NKAIN2: variants seen among roughly 807,000 people sequenced by gnomAD.
NKAIN2 encodes sodium/potassium-transporting ATPase subunit beta-1-interacting protein 2.
A neutral mutation model predicts 32.6 loss-of-function variants in NKAIN2; 14 were observed. The ratio of observed to expected loss-of-function variants is 0.43; its 90% CI spans 0.28 to 0.67. The LOEUF (loss-of-function observed/expected upper bound fraction) is 0.67. Ranked by LOEUF, NKAIN2 falls within the 30% of genes least tolerant of loss-of-function variation. NKAIN2 has a pLI of 0.17. For missense variants in NKAIN2, 198 were observed against 258.3 expected, an observed-to-expected ratio of 0.77 and a Z score of 1.60; for synonymous variants, 80 against 87.2, an observed-to-expected ratio of 0.92 and a Z score of 0.46.
intron 1 of NKAIN2, chr6:123,828,699 C>G (rs1226522041): frequency 1.3e-5 from 2 of 152,220 alleles, no homozygotes; most frequent in African/African-American, 4.8e-5. Context: ...TCTTCCACTT[C>G]CTAAAATATC....
intron 3 of NKAIN2, among the ~76,000 whole-genome samples, chr6:124,638,887 C>CAAAAAAAAAA (rs35802663): frequency 1.2e-5 from 1 of 82,618 alleles, no homozygotes; most frequent in African/African-American, 5.2e-5. Flanking sequence ...GAGACTCTGT[C>CAAAAAAAAAA]AAAAAAAAAA....
intron 2 of NKAIN2, among the ~76,000 whole-genome samples, chr6:124,338,695 G>T (rs917529106): frequency 6.6e-6 from 1 of 152,074 alleles, no homozygotes; most frequent in Non-Finnish European, 1.5e-5. Flanking sequence ...CTGAGAATTT[G>T]CAGAGATGCT....
chr6:124,778,934 T>C (rs1419086499), intron 4 of NKAIN2, among the ~76,000 whole-genome samples: 2 of 152,066 alleles, frequency 1.3e-5, no homozygotes, highest in Non-Finnish European at 2.9e-5. Context: ...AATTAATATA[T>C]TTTTTGCTTC....
Position 124,823,208 on chromosome 6 carries a change from T to G in NKAIN2, c.618-12T>G. 6.3e-7 allele frequency: 1 copy of G among 1,582,026 alleles called. No homozygotes were observed. The highest frequency in any genetic ancestry group is 2.2e-5 in the East Asian group (1 of 44,734). On this transcript the variant is annotated splice_polypyrimidine_tract_variant and intron_variant, in intron 6 of 6. Transcript: ENST00000368417. ...TTCCCCCTTGACTAAAAACATCTTT[T>G]CTCTCTCTCAGGTCAAAATAATACA...
chr6:124,390,382 C>T (rs993803221), intron 3 of NKAIN2, among the ~76,000 whole-genome samples: 1 of 152,100 alleles, frequency 6.6e-6, no homozygotes, highest in Non-Finnish European at 1.5e-5. Flanking sequence ...GCTATGAAGA[C>T]AAGTTTACTG....
At chr6:124,025,886 C>T (rs1021103745) in intron 1 of NKAIN2, among the ~76,000 whole-genome samples, 7 of 152,140 alleles carry the variant, frequency 4.6e-5, no homozygotes, top group African/African-American at 1.4e-4. Context: ...CTGACCTTCT[C>T]CTGCCTTTCT....
intron 1 of NKAIN2, among the ~76,000 whole-genome samples, chr6:124,100,689 C>A (rs549805941): frequency 6.6e-6 from 1 of 152,168 alleles, no homozygotes; most frequent in Admixed American, 6.5e-5. Flanking sequence ...CACAACCTGA[C>A]AATTTAAATT....
chr6:124,397,527 G>GTTT (rs71776352), intron 3 of NKAIN2, among the ~76,000 whole-genome samples: 10,992 of 144,958 alleles, frequency 0.076, 1,085 homozygotes, highest in African/African-American at 0.23. Flanking sequence ...GTCACAGAGA[G>GTTT]TTTTTTTTTT....
At chr6:124,452,842 T>C (rs1458799904) in intron 3 of NKAIN2, among the ~76,000 whole-genome samples, 3 of 152,128 alleles carry the variant, frequency 2.0e-5, no homozygotes, top group Non-Finnish European at 1.5e-5. Flanking sequence ...TCGGGTGCAG[T>C]AATAATGGCA....
At chr6:124,584,448 T>C (rs749069136) in intron 3 of NKAIN2, among the ~76,000 whole-genome samples, 10 of 152,108 alleles carry the variant, frequency 6.6e-5, no homozygotes, top group Non-Finnish European at 1.3e-4. Flanking sequence ...GGTCAGGAGT[T>C]CGAGATCAGC....
At chr6:124,215,076 T>A (rs1791396903) in intron 1 of NKAIN2, among the ~76,000 whole-genome samples, 1 of 152,070 alleles carries the variant, frequency 6.6e-6, no homozygotes, top group South Asian at 2.1e-4. Flanking sequence ...ATGGAAATAT[T>A]TTCATGACAA....
intron 3 of NKAIN2, among the ~76,000 whole-genome samples, chr6:124,611,064 G>T (rs1490715347): frequency 6.6e-6 from 1 of 152,072 alleles, no homozygotes; most frequent in African/African-American, 2.4e-5. Flanking sequence ...TTTTTTGTGT[G>T]TGCAGAAAAC....
At chr6:123,955,403 A>G (rs1777525546) in intron 1 of NKAIN2, among the ~76,000 whole-genome samples, 1 of 151,776 alleles carries the variant, frequency 6.6e-6, no homozygotes, top group African/African-American at 2.4e-5. Flanking sequence ...AGTCACTCTA[A>G]TCTTTAACTT....
At chr6:123,861,140 A>G (rs1024608258) in intron 1 of NKAIN2, among the ~76,000 whole-genome samples, 3 of 152,180 alleles carry the variant, frequency 2.0e-5, no homozygotes, top group Admixed American at 1.3e-4. Context: ...ATGGCTTCCA[A>G]TGAGTGCTTA....
chr6:124,581,305 G>A, intron 3 of NKAIN2, among the ~76,000 whole-genome samples: 1 of 151,752 alleles, frequency 6.6e-6, no homozygotes, highest in East Asian at 1.9e-4. Flanking sequence ...CAGGCGCGGT[G>A]GCGGGCGCCT....
At chr6:123,848,768 A>T (rs1775195648) in intron 1 of NKAIN2, among the ~76,000 whole-genome samples, 1 of 152,308 alleles carries the variant, frequency 6.6e-6, no homozygotes, top group South Asian at 2.1e-4. Flanking sequence ...CGTACTTTAG[A>T]ATAGACAGAA....
chr6:124,171,927 C>T (rs911760164), intron 1 of NKAIN2, among the ~76,000 whole-genome samples: 26 of 150,448 alleles, frequency 1.7e-4, no homozygotes, highest in African/African-American at 6.4e-4. Flanking sequence ...ACTCACTTGC[C>T]TCAGCCTCCC....
At chr6:124,126,584 AGG>A (rs1786176552) in intron 1 of NKAIN2, among the ~76,000 whole-genome samples, 1 of 92,920 alleles carries the variant, frequency 1.1e-5, no homozygotes, top group Admixed American at 1.1e-4. Flanking sequence ...TCCCTACTGG[AGG>A]ACACTGATTT....
At chr6:124,408,923 A>C (rs1209127919) in intron 3 of NKAIN2, among the ~76,000 whole-genome samples, 3 of 152,178 alleles carry the variant, frequency 2.0e-5, no homozygotes. Context: ...ATCCCTTGTA[A>C]GTTGGATTCC....
Sources: gnomAD v4.1 joint callset for allele counts (sites outside exome capture counted in the v4.1 genomes callset) on GRCh38, gnomAD v4.1.1 for gene constraint, MANE v1.5 for transcripts, NCBI Gene and HGNC (gene_info 2026-07-23, HGNC 2026-07-21) for gene names.